The following DMRT1 variants were observed in gnomAD, a reference collection of about 807,000 sequenced individuals.
DMRT1 encodes doublesex and mab-3 related transcription factor 1, also known as doublesex- and mab-3-related transcription factor 1.
DMRT1 carries 7 observed loss-of-function variants against 32.3 expected under a neutral mutation model. That is an observed-to-expected ratio of 0.22 (90% CI 0.12 to 0.41). The LOEUF is 0.41. DMRT1 is among the 10% of genes least tolerant of loss of function. The pLI is 1.00. For missense variants in DMRT1, 625 were observed against 500.5 expected, an observed-to-expected ratio of 1.25 and a Z score of -2.37; for synonymous variants, 278 against 206.1, an observed-to-expected ratio of 1.35 and a Z score of -2.99.
At chr9:864,428 G>T (rs1815869930) in intron 2 of DMRT1, among the ~76,000 whole-genome samples, 1 of 150,906 alleles carries the variant, frequency 6.6e-6, no homozygotes, top group African/African-American at 2.4e-5. Flanking sequence ...CCTGACCTCA[G>T]GTGATCTGCC....
intron 3 of DMRT1, among the ~76,000 whole-genome samples, chr9:910,387 G>T (rs1398442623): frequency 6.6e-6 from 1 of 151,168 alleles, no homozygotes; most frequent in Non-Finnish European, 1.5e-5. Flanking sequence ...GCGATGTTTA[G>T]TAAACAACTA....
Position 898,445 on chromosome 9 carries a change from C to G in DMRT1, c.822+4250C>G, listed in dbSNP as rs566208218. Among the ~76,000 whole-genome samples the G allele has an allele frequency of 2.5e-3, 381 of 152,250 alleles. 2 individuals carry two copies. Among genetic ancestry groups the G allele is most frequent in the African/African-American group, 7.6e-3 (316 of 41,550 alleles). On this transcript the variant is annotated intron_variant, in intron 3 of 4. Transcript: ENST00000382276. ...AGAGAGGTAGCAGAAGTGTCAGGAACAGAGATCTGGATGGCAGTCTTTTCC... is the reference window on the plus strand; with the variant it reads ...AGAGAGGTAGCAGAAGTGTCAGGAAGAGAGATCTGGATGGCAGTCTTTTCC...
chr9:900,143 T>C (rs1044983898), intron 3 of DMRT1, among the ~76,000 whole-genome samples: 2 of 86,006 alleles, frequency 2.3e-5, no homozygotes, highest in African/African-American at 3.3e-5. Flanking sequence ...ATCCCTGGAG[T>C]TGGGGATTGC....
chr9:884,284 T>C (rs1188339067), intron 2 of DMRT1, among the ~76,000 whole-genome samples: 1 of 151,176 alleles, frequency 6.6e-6, no homozygotes, highest in Non-Finnish European at 1.5e-5. Flanking sequence ...CATATAACAC[T>C]CCACGATCAG....
intron 4 of DMRT1, among the ~76,000 whole-genome samples, chr9:934,630 A>C (rs1015071297): frequency 6.6e-6 from 1 of 152,204 alleles, no homozygotes; most frequent in Non-Finnish European, 1.5e-5. Context: ...TCTTAGGTTT[A>C]ATCCAGGTCT....
rs780064237 is a variant in DMRT1 at position 842,230 on chromosome 9, GTTTTTTTTT to G, written c.354+53_354+61del. The G allele has an allele frequency of 1.5e-5, 19 of 1,266,386 alleles. No individual in the cohort carries two copies. In the South Asian group the frequency reaches 2.2e-4, roughly 15 times the overall value. 78.4% of individuals were successfully genotyped at this position (1,266,386 alleles called of 1,614,324 possible). On this transcript the variant is annotated intron_variant, in intron 1 of 4. Coordinates refer to ENST00000382276, the MANE Select transcript of DMRT1 (RefSeq NM_021951.3). ...GTGCGGGAGCCCGGGTTCAGCCTTA[GTTTTTTTTT>G]TTTTTTTTTTTTTTAGATGGAGTCT...
At chr9:900,557 GA>G (rs1817533317) in intron 3 of DMRT1, among the ~76,000 whole-genome samples, 1 of 151,824 alleles carries the variant, frequency 6.6e-6, no homozygotes, top group Non-Finnish European at 1.5e-5. Flanking sequence ...GCCATGGGAA[GA>G]CAAGGCGGAA....
Position 841,774 on chromosome 9 carries a change from A to G in DMRT1, c.-65A>G. 6.4e-7 allele frequency: 1 copy of G among 1,557,526 alleles called. No homozygotes were observed. ...CGGAGCGTCGCTGTCCGTCGGGTTC[A>G]TCCCTCGCAGCAGTCTCCAGGCGAG... On this transcript the variant is annotated 5_prime_UTR_variant, in exon 1 of 5. Coordinates refer to ENST00000382276, the MANE Select transcript of DMRT1 (RefSeq NM_021951.3).
chr9:893,718 C>T (rs1817239472), intron 2 of DMRT1, among the ~76,000 whole-genome samples, 194 bp from the exon 3 acceptor site: 1 of 152,202 alleles, frequency 6.6e-6, no homozygotes. Flanking sequence ...CTGAGTCTTT[C>T]GGTTGTGCCA....
chr9:915,367 C>A (rs979751889), intron 3 of DMRT1, among the ~76,000 whole-genome samples: 2 of 152,252 alleles, frequency 1.3e-5, no homozygotes, highest in African/African-American at 4.8e-5. Context: ...CAAGTCATAT[C>A]TTCTTAGCTT....
chr9:846,849 C>T (rs903948890), intron 1 of DMRT1, 111 bp from the exon 2 acceptor site: 11 of 1,324,836 alleles, frequency 8.3e-6, no homozygotes, highest in Non-Finnish European at 1.1e-5. Context: ...GATTTTCAGA[C>T]CTCACCTCCA....
At chr9:895,757 G>A (rs577200590) in intron 3 of DMRT1, among the ~76,000 whole-genome samples, 53 of 150,204 alleles carry the variant, frequency 3.5e-4, no homozygotes, top group African/African-American at 1.2e-3. Context: ...CAGTCACCAT[G>A]CTGTATGTTA....
At chr9:844,608 CTT>C (rs58788703) in intron 1 of DMRT1, among the ~76,000 whole-genome samples, 1 of 150,972 alleles carries the variant, frequency 6.6e-6, no homozygotes, top group African/African-American at 2.4e-5. Context: ...AAGTCGAAGA[CTT>C]TTTTTTGGCT....
chr9:897,636 T>G (rs1461865910), intron 3 of DMRT1, among the ~76,000 whole-genome samples: 1 of 152,074 alleles, frequency 6.6e-6, no homozygotes, highest in African/African-American at 2.4e-5. Flanking sequence ...TTCTACTATC[T>G]TCTCCCTATT....
intron 4 of DMRT1, among the ~76,000 whole-genome samples, chr9:960,864 A>T (rs1365884352): frequency 6.6e-6 from 1 of 152,180 alleles, no homozygotes; most frequent in African/African-American, 2.4e-5. Context: ...GCAGGTGTAG[A>T]CAAGGGAAGT....
At chr9:865,274 G>C (rs1197523940) in intron 2 of DMRT1, among the ~76,000 whole-genome samples, 2 of 152,118 alleles carry the variant, frequency 1.3e-5, no homozygotes, top group African/African-American at 4.8e-5. Context: ...CTAAGATCTG[G>C]AGTCAAAAGA....
intron 2 of DMRT1, among the ~76,000 whole-genome samples, chr9:868,139 G>A (rs374996696): frequency 1.1e-4 from 17 of 152,128 alleles, no homozygotes; most frequent in Non-Finnish European, 2.5e-4. Flanking sequence ...CACCATGCCC[G>A]GCTAAGTTTT....
At chr9:930,496 C>T (rs894967785) in intron 4 of DMRT1, among the ~76,000 whole-genome samples, 17 of 152,098 alleles carry the variant, frequency 1.1e-4, no homozygotes, top group African/African-American at 4.1e-4. Context: ...ACTGCAAGCT[C>T]CGCCTCTCGG....
chr9:871,486 C>G (rs1212791161), intron 2 of DMRT1, among the ~76,000 whole-genome samples: 1 of 149,530 alleles, frequency 6.7e-6, no homozygotes, highest in African/African-American at 2.5e-5. Context: ...GCATGCGCCA[C>G]CACGCCCGGC....
Sources: gnomAD v4.1 joint callset for allele counts (sites outside exome capture counted in the v4.1 genomes callset) on GRCh38, gnomAD v4.1.1 for gene constraint, MANE v1.5 for transcripts, NCBI Gene and HGNC (gene_info 2026-07-23, HGNC 2026-07-21) for gene names.